The following HMCN1 variants were observed in gnomAD, a reference collection of about 807,000 sequenced individuals.
The protein encoded by HMCN1 is hemicentin 1.
Under a neutral mutation model 625.9 loss-of-function variants are expected in HMCN1, and 321 were observed. The ratio of observed to expected loss-of-function variants is 0.51; its 90% confidence interval spans 0.47 to 0.56. The LOEUF (loss-of-function observed/expected upper bound fraction) is 0.56, where lower values mean the gene tolerates loss of function less well. Ranked by LOEUF, HMCN1 falls within the 20% of genes least tolerant of loss-of-function variation. The pLI, the probability that HMCN1 is intolerant of heterozygous loss-of-function variation, is 0.00. For missense variants in HMCN1, 6,588 were observed against 6,887.3 expected (o/e 0.96, Z 1.54); for synonymous variants, 2,425 against 2,417.6 (o/e 1.00, Z -0.09).
At chr1:185,903,158 T>G (rs2102437803) in intron 4 of HMCN1, among the ~76,000 whole-genome samples, 1 of 151,952 alleles carries the variant, frequency 6.6e-6, no homozygotes, top group African/African-American at 2.4e-5. Flanking sequence ...GAAATATACC[T>G]TGACACTTTA....
At chr1:185,824,289 A>G (rs1468064523) in intron 1 of HMCN1, among the ~76,000 whole-genome samples, 2 of 152,202 alleles carry the variant, frequency 1.3e-5, no homozygotes, top group Admixed American at 6.5e-5. Flanking sequence ...GTGTATAACC[A>G]CTAAACTTAT....
chr1:185,818,833 A>G (rs1283455190), intron 1 of HMCN1, among the ~76,000 whole-genome samples: 1 of 151,728 alleles, frequency 6.6e-6, no homozygotes, highest in Non-Finnish European at 1.5e-5. Flanking sequence ...TACATTTGGA[A>G]ACTTATAAAT....
chr1:186,055,907 A>G (rs1487578675), intron 45 of HMCN1, among the ~76,000 whole-genome samples: 1 of 152,016 alleles, frequency 6.6e-6, no homozygotes, highest in Non-Finnish European at 1.5e-5. Flanking sequence ...AGCACACAGT[A>G]AAGTAGAAAA....
intron 10 of HMCN1, among the ~76,000 whole-genome samples, chr1:185,929,318 A>G (rs1279041748): frequency 6.6e-6 from 1 of 152,154 alleles, no homozygotes; most frequent in East Asian, 1.9e-4. Context: ...TTACATTCAG[A>G]TAGTATGTTT....
At chr1:186,048,052 T>C (rs1656689409) in intron 41 of HMCN1, among the ~76,000 whole-genome samples, 1 of 152,164 alleles carries the variant, frequency 6.6e-6, no homozygotes. Context: ...ATTTATTAAA[T>C]TCTTTTTTAT....
At chr1:186,064,831 AT>A (rs1277357490) in intron 48 of HMCN1, among the ~76,000 whole-genome samples, 1 of 144,442 alleles carries the variant, frequency 6.9e-6, no homozygotes, top group African/African-American at 2.6e-5. Flanking sequence ...AAAAAAAAGT[AT>A]ATGAATACAA....
intron 1 of HMCN1, among the ~76,000 whole-genome samples, chr1:185,797,272 T>C (rs1056647551): frequency 5.3e-5 from 8 of 152,206 alleles, no homozygotes; most frequent in African/African-American, 1.7e-4. Flanking sequence ...TTTGCAAATA[T>C]GTTCTTCCGT....
intron 73 of HMCN1, 25 bp downstream of exon 73, chr1:186,114,148 A>G: frequency 1.9e-6 from 3 of 1,613,272 alleles, no homozygotes; most frequent in Non-Finnish European, 2.5e-6. Context: ...AAATTAAAAA[A>G]TGCTATAAGA....
intron 46 of HMCN1, among the ~76,000 whole-genome samples, chr1:186,060,786 A>G (rs1385525985): frequency 6.6e-6 from 1 of 152,014 alleles, no homozygotes; most frequent in Admixed American, 6.6e-5. Flanking sequence ...AAGTAATGGT[A>G]ATATATTGAT....
chr1:185,745,955 T>C (rs750046009), intron 1 of HMCN1, among the ~76,000 whole-genome samples: 10 of 152,192 alleles, frequency 6.6e-5, no homozygotes, highest in Non-Finnish European at 1.3e-4. Context: ...GGAAGTTCAT[T>C]ATGGACTCTG....
chr1:186,178,360 TG>T (rs1652726928), intron 103 of HMCN1, 55 bp from the exon 104 acceptor site: 1 of 1,212,444 alleles, frequency 8.2e-7, no homozygotes, highest in Non-Finnish European at 1.2e-6. Context: ...TCCTGTGTTT[TG>T]TGTGTGTATG....
Position 186,078,286 on chromosome 1 carries a change from G to A in HMCN1, c.8599+66G>A. 3 of 1,156,800 alleles carry A rather than the reference G, an allele frequency of 2.6e-6. No homozygotes were observed. The South Asian group carries it at 3.9e-5, about 15-fold the overall frequency. The allele number at this position is 1,156,800 out of a possible 1,614,324, so 71.7% of individuals were successfully genotyped here. ...AAGTATTTTTGAGGAACTAATGTTT[G>A]CAGGATGTTACACTAAGCGCTTTTG... On this transcript the variant is annotated intron_variant, in intron 55 of 106. Coordinates refer to ENST00000271588, the MANE Select transcript of HMCN1 (RefSeq NM_031935.3).
At chr1:186,094,179 A>G (rs1399260499) in intron 66 of HMCN1, 97 bp from the exon 67 acceptor site, 1 of 979,456 alleles carries the variant, frequency 1.0e-6, no homozygotes, top group African/African-American at 1.6e-5. Context: ...TTCCCAACAT[A>G]AATCACCACC....
At chr1:185,736,117 A>G (rs2102058497) in intron 1 of HMCN1, among the ~76,000 whole-genome samples, 1 of 152,330 alleles carries the variant, frequency 6.6e-6, no homozygotes, top group African/African-American at 2.4e-5. Flanking sequence ...AATTATTGGT[A>G]GGTATTAAAT....
At chr1:185,799,997 GCCCTGATGGGGTCAGAA>G (rs1279089407) in intron 1 of HMCN1, among the ~76,000 whole-genome samples, 1 of 152,178 alleles carries the variant, frequency 6.6e-6, no homozygotes, top group Non-Finnish European at 1.5e-5. Flanking sequence ...ACAAGTACCA[GCCCTGATGGGGTCAGAA>G]GGCAGTTCTC....
intron 9 of HMCN1, among the ~76,000 whole-genome samples, chr1:185,928,079 G>A (rs539720438): frequency 2.0e-5 from 3 of 152,126 alleles, no homozygotes; most frequent in South Asian, 2.1e-4. Context: ...TCTTATCTAA[G>A]TGGAGCTTAT....
At position 186,093,634 on chromosome 1, in the gene HMCN1, C is replaced by G. The variant is rs1444514405; in HGVS notation, c.10161C>G (p.Ser3387=). ...LKNGLPLPLS[S]HIRLLAAGQV... ...ATGGACTTCCTCTGCCTCTCTCCTC[C>G]CATATCCGGTTACTGGCAGCAGGAC... is the stretch of plus-strand genomic sequence containing the variant. The change falls in exon 66 of 107, where the codon TCC becomes TCG. Residue 3387 remains serine (S), a synonymous_variant. Coordinates refer to ENST00000271588, the MANE Select transcript of HMCN1 (RefSeq NM_031935.3). The G allele has an allele frequency of 1.2e-6, 2 of 1,613,360 alleles. No homozygotes were observed. The highest frequency in any genetic ancestry group is 1.7e-6 in the Non-Finnish European group (2 of 1,179,568).
At chr1:185,990,502 T>C (rs1253539951) in intron 22 of HMCN1, 59 bp downstream of exon 22, 2 of 1,419,096 alleles carry the variant, frequency 1.4e-6, no homozygotes, top group East Asian at 2.3e-5. Flanking sequence ...TTGGGACAGA[T>C]GGCCATGCCT....
rs189295285 is a variant in HMCN1, at chr1:185,989,820, C to G, written c.3208+173C>G. On this transcript the variant is annotated intron_variant, in intron 21 of 106. Transcript: ENST00000271588. The stretch of plus-strand genomic sequence containing the variant: ...CAGAAATGCATTTTTTACTGCCAAC[C>G]AAAATCACTTCTACTTAGATTCTGA... Among the ~76,000 whole-genome samples the G allele has an allele frequency of 7.5e-4, 112 of 149,080 alleles. 1 individual carries two copies. Among genetic ancestry groups the G allele is most frequent in the East Asian group, 5.9e-4 (3 of 5,102 alleles).
Sources: allele counts gnomAD v4.1 joint callset (sites outside exome capture counted in the v4.1 genomes callset), GRCh38; gene constraint gnomAD v4.1.1; transcripts MANE v1.5; gene names NCBI Gene and HGNC (gene_info 2026-07-23, HGNC 2026-07-21).